Variants in LAMA2 observed in about 807,000 individuals in gnomAD.
LAMA2 encodes the protein laminin subunit alpha-2.
A neutral mutation model predicts 364.8 loss-of-function variants in LAMA2; 269 were observed. That is an observed-to-expected ratio of 0.74 (90% CI 0.67 to 0.82). The LOEUF (loss-of-function observed/expected upper bound fraction) is 0.82, where lower values mean the gene tolerates loss of function less well. Among genes scored for constraint, LAMA2 ranks in the 40% least tolerant of loss-of-function variants. LAMA2 has a pLI of 0.00. For missense variants in LAMA2, 3,807 were observed against 3,873.2 expected, an observed-to-expected ratio of 0.98 and a Z score of 0.45; for synonymous variants, 1,379 against 1,370.6, an observed-to-expected ratio of 1.01 and a Z score of -0.14.
At chr6:129,053,692 C>A (rs1269791062) in intron 2 of LAMA2, among the ~76,000 whole-genome samples, 1 of 152,184 alleles carries the variant, frequency 6.6e-6, no homozygotes, top group Non-Finnish European at 1.5e-5. Context: ...GTTTCCCTTG[C>A]TTTTGACAAC....
chr6:129,174,256 A>T (rs1320987224), intron 9 of LAMA2, among the ~76,000 whole-genome samples: 2 of 151,900 alleles, frequency 1.3e-5, no homozygotes, highest in Non-Finnish European at 2.9e-5. Context: ...TTCCATCTAG[A>T]ATTTATTTTG....
intron 7 of LAMA2, among the ~76,000 whole-genome samples, chr6:129,152,983 T>TAC (rs570778444): frequency 0.031 from 4,634 of 150,014 alleles, 138 homozygotes; most frequent in East Asian, 0.15. Flanking sequence ...CAAGCACACC[T>TAC]ACACACACAC....
chr6:129,161,674 C>T (rs773085308), intron 8 of LAMA2, among the ~76,000 whole-genome samples: 1 of 152,064 alleles, frequency 6.6e-6, no homozygotes, highest in African/African-American at 2.4e-5. Flanking sequence ...TTCAAGCAGG[C>T]CCTGGTGTCT....
At chr6:128,982,150 C>T (rs999320942) in intron 1 of LAMA2, among the ~76,000 whole-genome samples, 3 of 152,170 alleles carry the variant, frequency 2.0e-5, no homozygotes, top group Non-Finnish European at 4.4e-5. Flanking sequence ...ACATTCCTAA[C>T]TCATAGAAAT....
rs527846083 is a variant in LAMA2, at chr6:128,969,063, C to G, written c.113-80855C>G. Among the ~76,000 whole-genome samples the G allele has an allele frequency of 2.0e-5, 3 of 152,226 alleles. No individual in the cohort carries two copies. In the South Asian group the frequency reaches 6.2e-4, roughly 32 times the overall value. On this transcript the variant is annotated intron_variant, in intron 1 of 64. Coordinates refer to ENST00000421865, the MANE Select transcript of LAMA2 (RefSeq NM_000426.4). Reference sequence around the variant, plus strand: ...TGCAGGAGACCACTACAGCTTCCTCCTCAGTTACTCTTATTTACTTATGGG... The same window carrying G: ...TGCAGGAGACCACTACAGCTTCCTCGTCAGTTACTCTTATTTACTTATGGG...
At chr6:129,388,968 G>T (rs1049380971) in intron 35 of LAMA2, among the ~76,000 whole-genome samples, 5 of 152,138 alleles carry the variant, frequency 3.3e-5, no homozygotes, top group Admixed American at 1.3e-4. Flanking sequence ...ACTCTGGAAG[G>T]CTTCCCACCT....
chr6:129,326,749 T>C (rs2114528651), intron 28 of LAMA2, among the ~76,000 whole-genome samples: 1 of 144,992 alleles, frequency 6.9e-6, no homozygotes, highest in South Asian at 2.1e-4. Context: ...ATATTATATA[T>C]ATAATTTATA....
chr6:128,967,319 A>C (rs1781906199), intron 1 of LAMA2, among the ~76,000 whole-genome samples: 1 of 152,236 alleles, frequency 6.6e-6, no homozygotes, highest in Non-Finnish European at 1.5e-5. Context: ...AAGGAAAAGA[A>C]AACAAAGAAA....
At chr6:129,320,504 CAT>C (rs755125517) in intron 27 of LAMA2, 32 bp from the exon 28 acceptor site, 3 of 1,216,680 alleles carry the variant, frequency 2.5e-6, no homozygotes, top group Non-Finnish European at 3.7e-6. Context: ...AACTGACTGT[CAT>C]AGTAATCTAA....
chr6:129,312,142 T>C (rs1312115826), intron 22 of LAMA2, among the ~76,000 whole-genome samples: 1 of 122,532 alleles, frequency 8.2e-6, no homozygotes, highest in African/African-American at 3.7e-5. Flanking sequence ...TATGTTCCAG[T>C]AAGTTGATGG....
In LAMA2 at chr6:129,464,444, C is replaced by A. The variant is rs121913576; in HGVS notation, c.7147C>A (p.Arg2383=). The part of the protein sequence containing the change: ...SSALLMYLAT[R]DLRDFMSVEL... The stretch of plus-strand genomic sequence containing the variant: ...TGCTCTTCTGATGTATCTTGCCACA[C>A]GAGACCTGGTAAAGATCATATGCAT... The change falls in exon 50 of 65, where the codon CGA becomes AGA. Residue 2383 remains arginine (R), a synonymous_variant. Coordinates refer to ENST00000421865, the MANE Select transcript of LAMA2 (RefSeq NM_000426.4). 13 of 1,611,592 alleles carry A rather than the reference C, an allele frequency of 8.1e-6. No homozygotes were observed. The South Asian group carries it at 1.2e-4, about 15-fold the overall frequency.
chr6:129,442,731 G>A lies in LAMA2; in HGVS notation c.6269-332G>A, dbSNP rs894221474. On this transcript the variant is annotated intron_variant, in intron 43 of 64. Coordinates refer to ENST00000421865, the MANE Select transcript of LAMA2 (RefSeq NM_000426.4). ...TTCTATTTTAGATTGATTCTCAACT[G>A]GTAGTGGCCTTTTGTCATATCTCTG... 6 of 365,380 alleles carry A rather than the reference G, an allele frequency of 1.6e-5. No homozygotes were observed. In the East Asian group the frequency reaches 4.6e-4, roughly 28 times the overall value. 22.6% of individuals were successfully genotyped at this position (365,380 alleles called of 1,614,324 possible). A position where few individuals can be genotyped will look rare whatever the true frequency, so the allele number is the denominator to read the frequency against.
At chr6:129,121,331 G>T (rs1432122076) in intron 4 of LAMA2, among the ~76,000 whole-genome samples, 2 of 152,162 alleles carry the variant, frequency 1.3e-5, no homozygotes, top group Admixed American at 1.3e-4. Flanking sequence ...GGTCCTCAGT[G>T]TCTTCTGCAA....
chr6:129,033,274 T>G (rs4469321), intron 1 of LAMA2, among the ~76,000 whole-genome samples: 149,917 of 152,034 alleles, frequency 0.99, 73,949 homozygotes, highest in East Asian at 1. Context: ...GTTTCATTTT[T>G]TCTAAGTCTT....
Position 129,042,276 on chromosome 6 carries a change from T to G in LAMA2, c.113-7642T>G, listed in dbSNP as rs117025267. 8.9e-3 allele frequency among the ~76,000 whole-genome samples: 1,355 copies of G among 151,718 alleles called. 5 individuals are homozygous for G. The highest frequency in any genetic ancestry group is 0.021 in the Middle Eastern group (6 of 290). ...GTTGGGATCATACTACTGCACTCCATCCTGGGCAACAGAGCGAGACTCCAT... is the reference window on the plus strand; with the variant it reads ...GTTGGGATCATACTACTGCACTCCAGCCTGGGCAACAGAGCGAGACTCCAT... On this transcript the variant is annotated intron_variant, in intron 1 of 64. Transcript: ENST00000421865.
chr6:129,077,565 CATAG>C (rs1290622763), intron 3 of LAMA2, among the ~76,000 whole-genome samples: 2 of 152,030 alleles, frequency 1.3e-5, no homozygotes, highest in African/African-American at 4.8e-5. Context: ...TATATATGCA[CATAG>C]ATAAATATGT....
At chr6:129,258,871 A>G (rs1291581545) in intron 14 of LAMA2, among the ~76,000 whole-genome samples, 1 of 152,090 alleles carries the variant, frequency 6.6e-6, no homozygotes, top group African/African-American at 2.4e-5. Context: ...CCTAAACACT[A>G]TAGGACAGTG....
intron 2 of LAMA2, among the ~76,000 whole-genome samples, chr6:129,052,135 CTTTTT>C (rs34305119): frequency 7.8e-6 from 1 of 127,416 alleles, no homozygotes; most frequent in Non-Finnish European, 1.6e-5. Flanking sequence ...ATTTCTTCTC[CTTTTT>C]TTTTTTTTTT....
At chr6:129,253,863 C>T (rs911578765) in intron 14 of LAMA2, among the ~76,000 whole-genome samples, 3 of 152,170 alleles carry the variant, frequency 2.0e-5, no homozygotes, top group Admixed American at 6.5e-5. Flanking sequence ...CACAGCGCGG[C>T]TCTGTGAAAT....
Sources: gnomAD v4.1 joint callset for allele counts (sites outside exome capture counted in the v4.1 genomes callset) on GRCh38, gnomAD v4.1.1 for gene constraint, MANE v1.5 for transcripts, NCBI Gene and HGNC (gene_info 2026-07-23, HGNC 2026-07-21) for gene names.